Variants in PCSK2 observed in about 807,000 individuals in gnomAD.
PCSK2 encodes proprotein convertase subtilisin/kexin type 2.
PCSK2 carries 14 observed loss-of-function variants against 69.7 expected under a neutral mutation model. The ratio of observed to expected loss-of-function variants is 0.20; its 90% CI spans 0.13 to 0.31. The LOEUF is 0.31. PCSK2 is among the 10% of genes least tolerant of loss of function. PCSK2 has a pLI of 1.00. For missense variants in PCSK2, 544 were observed against 842.5 expected (o/e 0.65, Z 4.39); for synonymous variants, 307 against 320.7 (o/e 0.96, Z 0.46).
intron 1 of PCSK2, among the ~76,000 whole-genome samples, chr20:17,248,981 TG>T (rs1986872041): frequency 6.6e-6 from 1 of 152,052 alleles, no homozygotes; most frequent in African/African-American, 2.4e-5. Context: ...TGAGCCACAG[TG>T]TCTTCTCTAA....
chr20:17,254,236 C>G (rs1365162444), intron 1 of PCSK2, among the ~76,000 whole-genome samples: 1 of 152,098 alleles, frequency 6.6e-6, no homozygotes, highest in Non-Finnish European at 1.5e-5. Flanking sequence ...TATGTTCTTA[C>G]ACTTTTGGTG....
chr20:17,416,316 A>C (rs1202243742), intron 6 of PCSK2, among the ~76,000 whole-genome samples: 3 of 152,252 alleles, frequency 2.0e-5, no homozygotes, highest in Non-Finnish European at 2.9e-5. Flanking sequence ...AAAGAACTTA[A>C]ACAAATTTAC....
intron 2 of PCSK2, 60 bp downstream of exon 2, chr20:17,260,404 G>A (rs1242769240): frequency 2.8e-5 from 31 of 1,106,728 alleles, no homozygotes; most frequent in Non-Finnish European, 4.2e-5. Flanking sequence ...GCCCACCAAG[G>A]GGGTGTGGAG....
chr20:17,430,917 C>T (rs1329605502), intron 7 of PCSK2, among the ~76,000 whole-genome samples: 1 of 152,208 alleles, frequency 6.6e-6, no homozygotes, highest in Non-Finnish European at 1.5e-5. Context: ...TCACAGCTTT[C>T]TGGAGGTTCC....
At chr20:17,231,192 A>G (rs1398060611) in intron 1 of PCSK2, among the ~76,000 whole-genome samples, 1 of 152,258 alleles carries the variant, frequency 6.6e-6, no homozygotes, top group East Asian at 1.9e-4. Context: ...CACAGAGGAC[A>G]GATGCTGAAA....
At chr20:17,395,429 A>C (rs921307140) in intron 5 of PCSK2, among the ~76,000 whole-genome samples, 3 of 152,106 alleles carry the variant, frequency 2.0e-5, no homozygotes, top group Non-Finnish European at 4.4e-5. Context: ...TTTTTTCTTT[A>C]CTTTTTATCA....
intron 6 of PCSK2, among the ~76,000 whole-genome samples, chr20:17,415,740 A>C (rs1443315532): frequency 6.6e-6 from 1 of 152,252 alleles, no homozygotes; most frequent in Non-Finnish European, 1.5e-5. Context: ...TCCTATGCCA[A>C]AAGAACAAAG....
intron 6 of PCSK2, among the ~76,000 whole-genome samples, chr20:17,427,901 G>T (rs1487156749): frequency 6.6e-6 from 1 of 152,302 alleles, no homozygotes; most frequent in Admixed American, 6.5e-5. Flanking sequence ...AAGCAGAAAA[G>T]CCACATGGTC....
chr20:17,307,406 C>T (rs929041951), intron 2 of PCSK2, among the ~76,000 whole-genome samples: 69 of 152,132 alleles, frequency 4.5e-4, no homozygotes, highest in African/African-American at 1.6e-3. Context: ...GTGAATAACA[C>T]GGTCATAAGA....
Position 17,454,541 on chromosome 20 carries a change from A to G in PCSK2, c.1101+584A>G, listed in dbSNP as rs142107561. 2.5e-3 allele frequency among the ~76,000 whole-genome samples: 379 copies of G among 152,260 alleles called. 2 individuals carry two copies. Among genetic ancestry groups the G allele is most frequent in the African/African-American group, 8.6e-3 (356 of 41,544 alleles). On this transcript the variant is annotated intron_variant, in intron 9 of 11. Transcript: ENST00000262545. Reference sequence around the variant, plus strand: ...ATTTATTGTTTGTTGCTCTTTTCTGAGCAAAGAAAAAAAAATCTTCCTTTC... The same window carrying G: ...ATTTATTGTTTGTTGCTCTTTTCTGGGCAAAGAAAAAAAAATCTTCCTTTC...
intron 6 of PCSK2, among the ~76,000 whole-genome samples, chr20:17,420,576 T>C (rs2032101232): frequency 6.6e-6 from 1 of 152,152 alleles, no homozygotes; most frequent in Non-Finnish European, 1.5e-5. Context: ...GTAATATAGA[T>C]TTAGGGGTTA....
At chr20:17,257,488 A>G (rs151167447) in intron 1 of PCSK2, among the ~76,000 whole-genome samples, 5 of 152,296 alleles carry the variant, frequency 3.3e-5, no homozygotes, top group Non-Finnish European at 5.9e-5. Flanking sequence ...GTTTATTTCT[A>G]TTTGCTTATT....
intron 2 of PCSK2, among the ~76,000 whole-genome samples, chr20:17,338,428 C>A (rs1262752482): frequency 6.6e-6 from 1 of 152,004 alleles, no homozygotes; most frequent in Non-Finnish European, 1.5e-5. Context: ...AACTCCTGAC[C>A]TTTTGATCCA....
At chr20:17,375,847 A>T (rs2030910125) in intron 5 of PCSK2, among the ~76,000 whole-genome samples, 2 of 151,932 alleles carry the variant, frequency 1.3e-5, no homozygotes, top group South Asian at 4.2e-4. Flanking sequence ...CATTGACTCA[A>T]CTCCACATCC....
chr20:17,344,100 A>G (rs928270336), intron 2 of PCSK2, among the ~76,000 whole-genome samples: 1 of 152,236 alleles, frequency 6.6e-6, no homozygotes, highest in African/African-American at 2.4e-5. Context: ...GCACTATTGC[A>G]AAGTCGATTC....
intron 6 of PCSK2, among the ~76,000 whole-genome samples, chr20:17,416,903 T>G (rs1328151938): frequency 6.6e-6 from 1 of 152,156 alleles, no homozygotes; most frequent in Non-Finnish European, 1.5e-5. Flanking sequence ...ATCATCATTC[T>G]CAGCACACCA....
chr20:17,426,798 G>A (rs1386623108), intron 6 of PCSK2, among the ~76,000 whole-genome samples: 1 of 152,214 alleles, frequency 6.6e-6, no homozygotes, highest in African/African-American at 2.4e-5. Flanking sequence ...GTGATTGGAT[G>A]AGGCCCACGC....
At chr20:17,400,646 C>G (rs564990674) in intron 5 of PCSK2, among the ~76,000 whole-genome samples, 1 of 152,258 alleles carries the variant, frequency 6.6e-6, no homozygotes, top group African/African-American at 2.4e-5. Flanking sequence ...TCCTTCCACC[C>G]TAGACCCCAC....
intron 1 of PCSK2, among the ~76,000 whole-genome samples, chr20:17,233,811 C>T (rs560224417): frequency 1.3e-5 from 2 of 152,240 alleles, no homozygotes; most frequent in African/African-American, 2.4e-5. Context: ...TGTAAATAAG[C>T]GTGATCATGT....
Sources: allele counts gnomAD v4.1 joint callset (sites outside exome capture counted in the v4.1 genomes callset), GRCh38; gene constraint gnomAD v4.1.1; transcripts MANE v1.5; gene names NCBI Gene and HGNC (gene_info 2026-07-23, HGNC 2026-07-21).